TASP1: variants seen among roughly 807,000 people sequenced by gnomAD.
The protein encoded by TASP1 is threonine aspartase 1.
A neutral mutation model predicts 56.6 loss-of-function variants in TASP1; 16 were observed. The ratio of observed to expected loss-of-function variants is 0.28; its 90% CI spans 0.19 to 0.43. TASP1 has a LOEUF of 0.43. Among genes scored for constraint, TASP1 ranks in the 20% least tolerant of loss-of-function variants. The pLI, the probability that TASP1 is intolerant of heterozygous loss-of-function variation, is 1.00. For missense variants in TASP1, 393 were observed against 511.6 expected, an observed-to-expected ratio of 0.77 and a Z score of 2.24; for synonymous variants, 179 against 184.2, an observed-to-expected ratio of 0.97 and a Z score of 0.23.
chr20:13,365,227 T>C, the TASP1 span, among the ~76,000 whole-genome samples: 3 of 152,246 alleles, frequency 2.0e-5, no homozygotes, highest in Non-Finnish European at 4.4e-5. Flanking sequence ...CTTATCTATT[T>C]GTTCTTTATT....
At chr20:13,197,973 C>A in the TASP1 span, among the ~76,000 whole-genome samples, 1 of 152,026 alleles carries the variant, frequency 6.6e-6, no homozygotes, top group African/African-American at 2.4e-5. Context: ...ATAATTAGGC[C>A]TTTCCTAAGA....
intron 6 of TASP1, among the ~76,000 whole-genome samples, chr20:13,580,275 C>T (rs2047073622): frequency 6.6e-6 from 1 of 152,040 alleles, no homozygotes. Context: ...AACAAGACCC[C>T]ATCTCTACAA....
chr20:13,236,386 G>C, the TASP1 span, among the ~76,000 whole-genome samples: 1 of 152,112 alleles, frequency 6.6e-6, no homozygotes. Flanking sequence ...GCCTCCACCT[G>C]GGTCCTTCCC....
At chr20:13,429,656 C>G (rs1318951537) in intron 12 of TASP1, among the ~76,000 whole-genome samples, 1 of 147,684 alleles carries the variant, frequency 6.8e-6, no homozygotes, top group Non-Finnish European at 1.5e-5. Flanking sequence ...GTGTGCCTGT[C>G]TGTGTGTGTG....
chr20:13,380,389 G>A, the TASP1 span, among the ~76,000 whole-genome samples: 1 of 152,278 alleles, frequency 6.6e-6, no homozygotes. Flanking sequence ...TGTTTGCCTG[G>A]GTATCACCAG....
chr20:13,174,771 A>G, the TASP1 span, among the ~76,000 whole-genome samples: 1 of 151,964 alleles, frequency 6.6e-6, no homozygotes, highest in Non-Finnish European at 1.5e-5. Flanking sequence ...CATCTACAAG[A>G]TGCATTAAAA....
At chr20:13,479,047 A>G (rs2043041660) in intron 11 of TASP1, among the ~76,000 whole-genome samples, 1 of 152,162 alleles carries the variant, frequency 6.6e-6, no homozygotes, top group South Asian at 2.1e-4. Flanking sequence ...TCTCTTCTAT[A>G]TAATTTTTAA....
the TASP1 span, among the ~76,000 whole-genome samples, chr20:13,290,955 A>G: frequency 6.6e-6 from 1 of 152,194 alleles, no homozygotes; most frequent in African/African-American, 2.4e-5. Context: ...TCATATTCTT[A>G]ATCATTAAAC....
the TASP1 span, among the ~76,000 whole-genome samples, chr20:13,117,976 A>G: frequency 6.6e-6 from 1 of 152,142 alleles, no homozygotes; most frequent in Non-Finnish European, 1.5e-5. Flanking sequence ...CGTGTACATA[A>G]GATGCAAAGT....
At chr20:13,287,026 C>T in the TASP1 span, among the ~76,000 whole-genome samples, 2 of 152,184 alleles carry the variant, frequency 1.3e-5, no homozygotes, top group African/African-American at 4.8e-5. Context: ...TACCAGAGCC[C>T]TGCTTTCCTT....
intron 8 of TASP1, among the ~76,000 whole-genome samples, chr20:13,552,321 C>G (rs1344890034): frequency 6.6e-6 from 1 of 152,126 alleles, no homozygotes; most frequent in Non-Finnish European, 1.5e-5. Flanking sequence ...TGTGCAAAGA[C>G]AGCAGGTGGA....
chr20:13,520,936 A>G (rs2044726123), intron 10 of TASP1, among the ~76,000 whole-genome samples: 1 of 152,204 alleles, frequency 6.6e-6, no homozygotes. Flanking sequence ...AGAAAAAAAC[A>G]AACAACCCCA....
intron 8 of TASP1, among the ~76,000 whole-genome samples, chr20:13,534,555 A>G (rs1311982833): frequency 6.6e-6 from 1 of 152,210 alleles, no homozygotes; most frequent in Admixed American, 6.5e-5. Context: ...TATTTCTTTA[A>G]GTATTATATA....
At chr20:13,295,212 C>T in the TASP1 span, among the ~76,000 whole-genome samples, 1 of 152,170 alleles carries the variant, frequency 6.6e-6, no homozygotes, top group Non-Finnish European at 1.5e-5. Flanking sequence ...TCTTCTGATC[C>T]CACCTGCTGT....
In TASP1 at chr20:13,445,787, G is replaced by A. The variant is rs2043389513; in HGVS notation, c.986-10633C>T. Among the ~76,000 whole-genome samples, 5 of 152,194 alleles carry A rather than the reference G, an allele frequency of 3.3e-5. 1 individual carries two copies. In the South Asian group the frequency reaches 1.0e-3, roughly 32 times the overall value. ...CCAGGAGTATCACAAAGTAGAAGAG[G>A]GCAAAATAAAGCCAGATAGTGGCAG... On this transcript the variant is annotated intron_variant, in intron 11 of 13. Transcript: ENST00000337743.
At chr20:13,491,327 T>C (rs1037514615) in intron 10 of TASP1, among the ~76,000 whole-genome samples, 5 of 152,222 alleles carry the variant, frequency 3.3e-5, no homozygotes, top group Non-Finnish European at 7.3e-5. Flanking sequence ...CCTATTTTTA[T>C]TCTCCAACAG....
chr20:13,299,138 G>A, the TASP1 span: 1 of 1,612,630 alleles, frequency 6.2e-7, no homozygotes, highest in South Asian at 1.1e-5. This position sits in a 1 kb window ranked among gnomAD's most constrained non-coding sequence, Gnocchi z 5.8. Context: ...AGGAGAAGCT[G>A]GAGATCTACA....
chr20:13,129,986 G>C, the TASP1 span, among the ~76,000 whole-genome samples: 1 of 151,806 alleles, frequency 6.6e-6, no homozygotes, highest in South Asian at 2.1e-4. Context: ...GGTTTTTTTA[G>C]AGGCAAAATA....
At chr20:13,110,874 G>C in the TASP1 span, among the ~76,000 whole-genome samples, 1 of 152,032 alleles carries the variant, frequency 6.6e-6, no homozygotes, top group African/African-American at 2.4e-5. Context: ...TGATAGAAAA[G>C]TGAAAAATAT....
Sources: allele counts gnomAD v4.1 joint callset (sites outside exome capture counted in the v4.1 genomes callset), GRCh38; gene constraint gnomAD v4.1.1; non-coding constraint Gnocchi (gnomAD v3.1); transcripts MANE v1.5; gene names NCBI Gene and HGNC (gene_info 2026-07-23, HGNC 2026-07-21).